Variants in LRP1B observed in about 807,000 individuals in gnomAD.
The protein encoded by LRP1B is LDL receptor related protein 1B.
LRP1B carries 217 observed loss-of-function variants against 556.6 expected under a neutral mutation model. The observed-to-expected ratio is 0.39, with a 90% CI of 0.35 to 0.44. The LOEUF is 0.44. Ranked by LOEUF, LRP1B falls within the 20% of genes least tolerant of loss-of-function variation. The probability of loss-of-function intolerance (pLI) is 1.00; values close to 1 mark genes in which losing one functional copy is unlikely to be tolerated. For missense variants in LRP1B, 5,053 were observed against 5,620.8 expected, an observed-to-expected ratio of 0.90 and a Z score of 3.23; for synonymous variants, 2,047 against 1,865.8, an observed-to-expected ratio of 1.10 and a Z score of -2.50.
intron 2 of LRP1B, among the ~76,000 whole-genome samples, chr2:141,655,033 T>C (rs1300325638): frequency 1.3e-5 from 2 of 152,204 alleles, no homozygotes; most frequent in African/African-American, 2.4e-5. Flanking sequence ...AGAATAGTTT[T>C]ACAGAAATAT....
intron 3 of LRP1B, among the ~76,000 whole-genome samples, chr2:141,409,982 T>C (rs1258040109): frequency 2.0e-5 from 3 of 152,018 alleles, no homozygotes; most frequent in South Asian, 4.1e-4. Flanking sequence ...ATTTGAGTTA[T>C]GTAGAAAAAG....
At position 141,074,569 on chromosome 2, in the gene LRP1B, G is replaced by GTCTCTC. The variant is rs368177753; in HGVS notation, c.1014-12302_1014-12297dup. ...AAGTTCTTTCTCTTTCTGTCTCTCT[G>GTCTCTC]TCTCTCTCTCTCTCTCTCTCTATAT... On this transcript the variant is annotated intron_variant, in intron 7 of 90. Coordinates refer to ENST00000389484, the MANE Select transcript of LRP1B (RefSeq NM_018557.3). 9.5e-3 allele frequency among the ~76,000 whole-genome samples: 1,293 copies of GTCTCTC among 136,278 alleles called. 15 individuals carry two copies. The highest frequency in any genetic ancestry group is 0.019 in the Middle Eastern group (5 of 268). The allele number at this position is 136,278 out of a possible 152,430, so 89.4% of individuals were successfully genotyped here.
intron 59 of LRP1B, among the ~76,000 whole-genome samples, chr2:140,477,143 G>T (rs1688010042): frequency 6.6e-6 from 1 of 151,962 alleles, no homozygotes; most frequent in East Asian, 1.9e-4. Context: ...TGCAAAAGAA[G>T]AAACTGAATC....
intron 31 of LRP1B, among the ~76,000 whole-genome samples, chr2:140,838,832 G>A (rs1288631534): frequency 2.0e-5 from 3 of 152,106 alleles, no homozygotes; most frequent in Admixed American, 6.5e-5. Flanking sequence ...AAGAAAACAT[G>A]AGGAAAAAGT....
intron 1 of LRP1B, among the ~76,000 whole-genome samples, chr2:141,972,666 G>A (rs907799470): frequency 2.7e-5 from 4 of 150,638 alleles, no homozygotes; most frequent in African/African-American, 4.9e-5. Context: ...TTTTTTAGAC[G>A]TTGGTTCTGA....
chr2:141,704,707 A>C (rs1221348073), intron 2 of LRP1B, among the ~76,000 whole-genome samples: 1 of 151,832 alleles, frequency 6.6e-6, no homozygotes, highest in Non-Finnish European at 1.5e-5. Context: ...TTTCTTCCTC[A>C]TATCTTTGGT....
intron 77 of LRP1B, among the ~76,000 whole-genome samples, chr2:140,342,593 A>G (rs905787193): frequency 1.5e-4 from 23 of 151,720 alleles, no homozygotes; most frequent in Middle Eastern, 6.8e-3. Flanking sequence ...AATGCTACAG[A>G]ACATTTTTAA....
intron 5 of LRP1B, among the ~76,000 whole-genome samples, chr2:141,241,699 T>G (rs1683883308): frequency 6.6e-6 from 1 of 152,094 alleles, no homozygotes; most frequent in Non-Finnish European, 1.5e-5. Flanking sequence ...ATACTCTGCT[T>G]CAGGCATTGA....
chr2:141,719,248 T>A (rs1370013390), intron 2 of LRP1B, among the ~76,000 whole-genome samples: 1 of 152,196 alleles, frequency 6.6e-6, no homozygotes, highest in Non-Finnish European at 1.5e-5. Flanking sequence ...ACAATCTCAA[T>A]GCAATCCCAT....
intron 41 of LRP1B, among the ~76,000 whole-genome samples, chr2:140,614,028 T>C (rs1400519669): frequency 3.3e-5 from 5 of 152,100 alleles, no homozygotes; most frequent in African/African-American, 9.7e-5. Context: ...AATAGTATTC[T>C]AACTTCGATT....
In LRP1B at chr2:140,499,782, T is replaced by G. The variant is rs375842414; in HGVS notation, c.8850+1905A>C. Among the ~76,000 whole-genome samples the G allele has an allele frequency of 1.7e-4, 26 of 152,070 alleles. No individual in the cohort carries two copies. The South Asian group carries it at 5.0e-3, about 29-fold the overall frequency. On this transcript the variant is annotated intron_variant, in intron 55 of 90. Coordinates refer to ENST00000389484, the MANE Select transcript of LRP1B (RefSeq NM_018557.3). ...TTAAAAATGTTTAGAAAAGGTACAGTAAAAATAATTCTATAGGAACACCAC... is the reference window on the plus strand; with the variant it reads ...TTAAAAATGTTTAGAAAAGGTACAGGAAAAATAATTCTATAGGAACACCAC...
chr2:140,973,445 C>T (rs1224913417), intron 18 of LRP1B, among the ~76,000 whole-genome samples: 1 of 151,950 alleles, frequency 6.6e-6, no homozygotes, highest in Non-Finnish European at 1.5e-5. Flanking sequence ...GAGGACCTCA[C>T]TCATGTACAT....
intron 3 of LRP1B, among the ~76,000 whole-genome samples, chr2:141,289,041 G>A (rs1446101120): frequency 6.6e-6 from 1 of 152,046 alleles, no homozygotes; most frequent in East Asian, 1.9e-4. Context: ...ACAATAACAC[G>A]CTTAAGAAAT....
intron 1 of LRP1B, among the ~76,000 whole-genome samples, chr2:142,110,290 G>A (rs1046828442): frequency 6.6e-6 from 1 of 152,034 alleles, no homozygotes; most frequent in Admixed American, 6.6e-5. Flanking sequence ...GCCCTGCATG[G>A]TGAAAAGATA....
At chr2:141,998,820 T>A (rs1702573988) in intron 1 of LRP1B, among the ~76,000 whole-genome samples, 1 of 152,152 alleles carries the variant, frequency 6.6e-6, no homozygotes, top group Non-Finnish European at 1.5e-5. Flanking sequence ...ATGTCTGGGT[T>A]AAGATAGGGG....
At chr2:141,280,577 T>C (rs1192066263) in intron 3 of LRP1B, among the ~76,000 whole-genome samples, 2 of 151,976 alleles carry the variant, frequency 1.3e-5, no homozygotes, top group Admixed American at 1.3e-4. Flanking sequence ...ATTCTAGATT[T>C]ATATAGTCTT....
intron 57 of LRP1B, among the ~76,000 whole-genome samples, chr2:140,492,239 T>C (rs1306822648): frequency 6.6e-6 from 1 of 152,174 alleles, no homozygotes; most frequent in African/African-American, 2.4e-5. Context: ...TGGAGGAATC[T>C]ATCAATGAGT....
chr2:140,247,208 A>G, intron 86 of LRP1B, 46 bp from the exon 87 acceptor site: 1 of 1,363,258 alleles, frequency 7.3e-7, no homozygotes. Flanking sequence ...CGAATAACAA[A>G]GCCCAGAAGT....
chr2:141,711,442 G>A (rs957941767), intron 2 of LRP1B, among the ~76,000 whole-genome samples: 1 of 152,160 alleles, frequency 6.6e-6, no homozygotes, highest in Non-Finnish European at 1.5e-5. Context: ...TGCAGAGAAA[G>A]GCATAGAGGA....
Sources: allele counts gnomAD v4.1 joint callset (sites outside exome capture counted in the v4.1 genomes callset), GRCh38; gene constraint gnomAD v4.1.1; transcripts MANE v1.5; gene names NCBI Gene and HGNC (gene_info 2026-07-23, HGNC 2026-07-21).